The following TSHZ2 variants were observed in gnomAD, a reference collection of about 807,000 sequenced individuals.
The protein encoded by TSHZ2 is teashirt homolog 2.
A neutral mutation model predicts 74.4 loss-of-function variants in TSHZ2; 21 were observed. The ratio of observed to expected loss-of-function variants is 0.28; its 90% CI spans 0.20 to 0.41. The LOEUF (loss-of-function observed/expected upper bound fraction) is 0.41. Ranked by LOEUF, TSHZ2 falls within the 10% of genes least tolerant of loss-of-function variation. The pLI is 1.00. For synonymous variants in TSHZ2, 540 were observed against 515.3 expected, an observed-to-expected ratio of 1.05 and a Z score of -0.65; for missense variants, 1,244 against 1,293.5, an observed-to-expected ratio of 0.96 and a Z score of 0.59.
At chr20:53,140,539 CA>C (rs34045440) in intron 1 of TSHZ2, among the ~76,000 whole-genome samples, 5,928 of 79,182 alleles carry the variant, frequency 0.075, 159 homozygotes, top group African/African-American at 0.22. Flanking sequence ...GACTCCGTCT[CA>C]AAAAAAAAAA....
At chr20:53,081,277 C>T (rs945023535) in intron 1 of TSHZ2, among the ~76,000 whole-genome samples, 1 of 152,164 alleles carries the variant, frequency 6.6e-6, no homozygotes, top group Non-Finnish European at 1.5e-5. Context: ...AGTGATCCTG[C>T]CTCAAACTCC....
chr20:53,467,586 T>C (rs1985599547), intron 2 of TSHZ2, among the ~76,000 whole-genome samples: 1 of 152,232 alleles, frequency 6.6e-6, no homozygotes, highest in Non-Finnish European at 1.5e-5. Context: ...ATTTTGCTGA[T>C]GCGGAAACTG....
At chr20:53,215,212 A>C (rs1008506300) in intron 1 of TSHZ2, among the ~76,000 whole-genome samples, 2 of 152,256 alleles carry the variant, frequency 1.3e-5, no homozygotes, top group African/African-American at 2.4e-5. Flanking sequence ...TCCACGTGGC[A>C]AACACTGGTC....
Position 53,492,500 on chromosome 20 carries a change from T to C in TSHZ2, c.*5365T>C, listed in dbSNP as rs950099609. On this transcript the variant is annotated 3_prime_UTR_variant, in exon 3 of 3. Coordinates refer to ENST00000371497, the MANE Select transcript of TSHZ2 (RefSeq NM_173485.6). ...AAAACAATTCCCATTTGGCTCAGGG[T>C]TCCTAAATGTCACAATATCTTGGGT... The C allele has an allele frequency of 9.9e-5, 15 of 152,152 alleles. No homozygotes were observed. The highest frequency in any genetic ancestry group is 3.6e-4 in the African/African-American group (15 of 41,436). The allele number at this position is 152,152 out of a possible 1,614,324, so 9.4% of individuals were successfully genotyped here. A position where few individuals can be genotyped will look rare whatever the true frequency, so the allele number is the denominator to read the frequency against.
chr20:53,302,354 G>A (rs1465036700), intron 2 of TSHZ2, among the ~76,000 whole-genome samples: 1 of 152,056 alleles, frequency 6.6e-6, no homozygotes, highest in Admixed American at 6.6e-5. Context: ...ATCCAGAAAC[G>A]GATTGAGACC....
chr20:53,157,866 G>T (rs1987833586), intron 1 of TSHZ2, among the ~76,000 whole-genome samples: 1 of 152,106 alleles, frequency 6.6e-6, no homozygotes, highest in Admixed American at 6.5e-5. Context: ...TCGCAATAAA[G>T]AGTAGTAAAG....
chr20:53,453,537 G>A lies in TSHZ2; in HGVS notation c.*9-33607G>A, dbSNP rs1052936627. 5.9e-5 allele frequency among the ~76,000 whole-genome samples: 9 copies of A among 152,210 alleles called. No individual in the cohort carries two copies. The South Asian group carries it at 1.0e-3, about 18-fold the overall frequency. On this transcript the variant is annotated intron_variant, in intron 2 of 2. Transcript: ENST00000371497. ...GGAGGTTTAATTACAATGCTCCATC[G>A]TGTGATTGTGTGTGGAGTGGAAGCA...
At chr20:53,269,933 C>CT (rs1220632392) in intron 2 of TSHZ2, among the ~76,000 whole-genome samples, 4 of 152,046 alleles carry the variant, frequency 2.6e-5, no homozygotes, top group African/African-American at 9.7e-5. Context: ...TCTTTTAATC[C>CT]TTTTTTATAT....
At chr20:53,184,654 T>C (rs1168638336) in intron 1 of TSHZ2, among the ~76,000 whole-genome samples, 2 of 152,162 alleles carry the variant, frequency 1.3e-5, no homozygotes, top group Non-Finnish European at 2.9e-5. Flanking sequence ...ACCTGCTATT[T>C]TCAGTCAACA....
intron 2 of TSHZ2, among the ~76,000 whole-genome samples, chr20:53,281,850 CTGAT>C (rs1256440110): frequency 6.6e-6 from 1 of 152,174 alleles, no homozygotes; most frequent in Non-Finnish European, 1.5e-5. Flanking sequence ...TGGCTAATGA[CTGAT>C]TGACTCCACA....
intron 1 of TSHZ2, among the ~76,000 whole-genome samples, chr20:53,061,570 G>GCTGAA (rs1984824356): frequency 6.6e-6 from 1 of 152,184 alleles, no homozygotes. Context: ...GAGTTGTTGA[G>GCTGAA]CTGAACTAGC....
At chr20:53,362,732 G>C (rs1281184714) in intron 2 of TSHZ2, among the ~76,000 whole-genome samples, 3 of 152,150 alleles carry the variant, frequency 2.0e-5, no homozygotes, top group African/African-American at 7.2e-5. Flanking sequence ...ATATGTTCTA[G>C]TATGTCATGC....
At chr20:53,201,913 G>A (rs1989017790) in intron 1 of TSHZ2, among the ~76,000 whole-genome samples, 1 of 152,200 alleles carries the variant, frequency 6.6e-6, no homozygotes, top group African/African-American at 2.4e-5. Context: ...AACCGCTGGG[G>A]TAGCGAAGTA....
At chr20:53,178,606 G>A (rs1988399469) in intron 1 of TSHZ2, 1 of 152,056 alleles carries the variant, frequency 6.6e-6, no homozygotes, top group Admixed American at 6.6e-5. Context: ...AATTTCATGT[G>A]GAAATTAAAA....
At chr20:53,232,055 AT>A (rs143762797) in intron 1 of TSHZ2, among the ~76,000 whole-genome samples, 16,090 of 151,674 alleles carry the variant, frequency 0.11, 1,007 homozygotes, top group African/African-American at 0.17. Flanking sequence ...TGGCTAATTT[AT>A]TTTTTTATTT....
chr20:53,370,104 A>G (rs1179245598), intron 2 of TSHZ2, among the ~76,000 whole-genome samples: 1 of 152,202 alleles, frequency 6.6e-6, no homozygotes, highest in Non-Finnish European at 1.5e-5. Context: ...TCTGTGTCCC[A>G]GCCATCCTCT....
chr20:53,441,537 C>T (rs1190165261), intron 2 of TSHZ2, among the ~76,000 whole-genome samples: 3 of 151,952 alleles, frequency 2.0e-5, no homozygotes, highest in East Asian at 1.9e-4. Context: ...CCGCCCACCT[C>T]GGCCTCCCAA....
chr20:53,221,133 C>T (rs1001917390), intron 1 of TSHZ2, among the ~76,000 whole-genome samples: 7 of 152,086 alleles, frequency 4.6e-5, no homozygotes, highest in Non-Finnish European at 7.4e-5. Flanking sequence ...TGGGGAAACC[C>T]CTTTTGCTTG....
At chr20:53,084,239 C>A (rs528339508) in intron 1 of TSHZ2, among the ~76,000 whole-genome samples, 1 of 152,072 alleles carries the variant, frequency 6.6e-6, no homozygotes, top group Admixed American at 6.5e-5. Context: ...GTTTATATAT[C>A]GGTTAAATTG....
Sources: allele counts gnomAD v4.1 joint callset (sites outside exome capture counted in the v4.1 genomes callset), GRCh38; gene constraint gnomAD v4.1.1; transcripts MANE v1.5; gene names NCBI Gene and HGNC (gene_info 2026-07-23, HGNC 2026-07-21).